Variants in AHRR observed in about 807,000 individuals in gnomAD.
AHRR encodes ahR repressor.
Under a neutral mutation model 44.0 loss-of-function variants are expected in AHRR, and 28 were observed. The observed-to-expected ratio is 0.64, with a 90% CI of 0.47 to 0.87. AHRR has a LOEUF of 0.87. Among genes scored for constraint, AHRR ranks in the 40% least tolerant of loss-of-function variants. The pLI is 0.00. For missense variants in AHRR, 990 were observed against 953.9 expected, an observed-to-expected ratio of 1.04 and a Z score of -0.50; for synonymous variants, 434 against 407.0, an observed-to-expected ratio of 1.07 and a Z score of -0.80.
intron 2 of AHRR, among the ~76,000 whole-genome samples, chr5:346,012 T>C (rs552618716): frequency 1.5e-3 from 235 of 152,194 alleles, no homozygotes; most frequent in Non-Finnish European, 3.0e-3. Flanking sequence ...GTAGGCTCAG[T>C]GCCCAGGCTG....
chr5:359,517 G>A (rs1316181854), intron 3 of AHRR, among the ~76,000 whole-genome samples: 1 of 152,212 alleles, frequency 6.6e-6, no homozygotes, highest in Non-Finnish European at 1.5e-5. Context: ...AGAGAAGTGT[G>A]GAGTAGATTA....
Position 325,201 on chromosome 5 carries a change from C to T in AHRR, c.-11+3382C>T, listed in dbSNP as rs537637752. On this transcript the variant is annotated intron_variant, in intron 1 of 10. Coordinates refer to ENST00000684583, the MANE Select transcript of AHRR (RefSeq NM_001377236.1). Reference sequence around the variant, plus strand: ...CCCAGCTGTCCCACCACCCCCCGACCCGCTCTTGCCCTGTGGCTCTGCACT... The same window carrying T: ...CCCAGCTGTCCCACCACCCCCCGACTCGCTCTTGCCCTGTGGCTCTGCACT... 3.3e-5 allele frequency among the ~76,000 whole-genome samples: 5 copies of T among 152,360 alleles called. No individual in the cohort carries two copies. The East Asian group carries it at 9.6e-4, about 29-fold the overall frequency.
chr5:366,329 C>T (rs1743360306), intron 3 of AHRR, among the ~76,000 whole-genome samples: 1 of 152,060 alleles, frequency 6.6e-6, no homozygotes, highest in African/African-American at 2.4e-5. Context: ...GAAGGGGCTC[C>T]CGCTGGCCAA....
At chr5:360,699 C>T (rs1158326274) in intron 3 of AHRR, among the ~76,000 whole-genome samples, 4 of 152,054 alleles carry the variant, frequency 2.6e-5, no homozygotes, top group Admixed American at 6.6e-5. Context: ...CCGTGGAACG[C>T]GAGGAAAGTG....
At chr5:396,572 C>T (rs1394572538) in intron 4 of AHRR, among the ~76,000 whole-genome samples, 1 of 152,212 alleles carries the variant, frequency 6.6e-6, no homozygotes, top group Non-Finnish European at 1.5e-5. Context: ...TTCGGCCTTT[C>T]TGCTAAGAGA....
chr5:346,070 G>T (rs547094986), intron 2 of AHRR, among the ~76,000 whole-genome samples: 1 of 152,280 alleles, frequency 6.6e-6, no homozygotes, highest in East Asian at 1.9e-4. Flanking sequence ...CCTGGGGCCA[G>T]GCACACAGCC....
Position 427,955 on chromosome 5 carries a change from C to T in AHRR, c.857C>T (p.Ala286Val), listed in dbSNP as rs201183475. 176 of 1,614,032 alleles carry T rather than the reference C, an allele frequency of 1.1e-4. No individual in the cohort carries two copies. In the African/African-American group the frequency reaches 1.7e-3, roughly 16 times the overall value. ...PSAAEMKMRS[A>V]LLRAKPRADT... ...GCAGCGGAGATGAAAATGAGGAGCG[C>T]GCTCCTGAGGGCAAAACCCAGAGCA... Residue 286 changes from alanine (A) to valine (V), a missense_variant, in exon 8 of 11, where the codon GCG (alanine) becomes GTG (valine). Transcript: ENST00000684583.
chr5:421,739 T>A (rs1185025255), intron 5 of AHRR, among the ~76,000 whole-genome samples: 1 of 152,134 alleles, frequency 6.6e-6, no homozygotes, highest in Admixed American at 6.5e-5. Context: ...GAGGGCCACC[T>A]CCTCCTTCTG....
At chr5:346,521 A>G (rs3734145) in intron 2 of AHRR, among the ~76,000 whole-genome samples, 105,277 of 152,126 alleles carry the variant, frequency 0.69, 36,941 homozygotes, top group Non-Finnish European at 0.73. Flanking sequence ...TCCTTATTTA[A>G]TGTGACAAAT....
At chr5:322,681 C>T (rs1560873773) in intron 1 of AHRR, 1 of 152,260 alleles carries the variant, frequency 6.6e-6, no homozygotes, top group African/African-American at 2.4e-5. Context: ...CTCATCCAGC[C>T]TCTCAGAGCA....
chr5:377,171 T>C (rs1210633916), intron 4 of AHRR, among the ~76,000 whole-genome samples: 1 of 152,074 alleles, frequency 6.6e-6, no homozygotes, highest in African/African-American at 2.4e-5. Context: ...GGAAGCTCTG[T>C]GGTGAGGGGG....
intron 7 of AHRR, among the ~76,000 whole-genome samples, chr5:426,641 GGATA>G (rs1320635642): frequency 2.7e-4 from 41 of 149,558 alleles, no homozygotes; most frequent in Non-Finnish European, 4.0e-4. Flanking sequence ...ATGGATGGAT[GGATA>G]GATAGAAAGA....
intron 2 of AHRR, among the ~76,000 whole-genome samples, chr5:348,600 C>T (rs1252935584): frequency 1.2e-4 from 19 of 152,278 alleles, no homozygotes; most frequent in African/African-American, 3.9e-4. Flanking sequence ...GCATTTTGTG[C>T]AAATGGAATC....
intron 7 of AHRR, 123 bp downstream of exon 7, chr5:424,100 CGGGGGCCGG>C (rs1736267035): frequency 1.5e-6 from 2 of 1,307,912 alleles, no homozygotes; most frequent in Non-Finnish European, 2.0e-6. Flanking sequence ...GGTGGAGGGA[CGGGGGCCGG>C]TGCTGAGCTC....
chr5:422,917 G>A (rs562340732), intron 6 of AHRR, 59 bp downstream of exon 6: 5 of 1,534,836 alleles, frequency 3.3e-6, no homozygotes, highest in African/African-American at 1.4e-5. Context: ...ATAACACATC[G>A]CTGCCTCTGG....
intron 2 of AHRR, among the ~76,000 whole-genome samples, chr5:348,705 A>C (rs969865013): frequency 6.6e-6 from 1 of 152,192 alleles, no homozygotes; most frequent in Non-Finnish European, 1.5e-5. Flanking sequence ...TTGCTGCGAA[A>C]TGTTCTGTTG....
At chr5:368,289 A>G (rs569943735) in intron 3 of AHRR, among the ~76,000 whole-genome samples, 38 of 152,248 alleles carry the variant, frequency 2.5e-4, no homozygotes, top group South Asian at 2.5e-3. Context: ...CGCGCACTGT[A>G]TCCTGCCTGA....
intron 1 of AHRR, among the ~76,000 whole-genome samples, chr5:324,503 G>C (rs965080018): frequency 1.3e-5 from 2 of 151,188 alleles, no homozygotes; most frequent in Non-Finnish European, 2.9e-5. Context: ...ACCTGAAACT[G>C]GGCCAGGTGT....
chr5:380,266 A>G (rs922811304), intron 4 of AHRR, among the ~76,000 whole-genome samples: 12 of 152,220 alleles, frequency 7.9e-5, no homozygotes, highest in African/African-American at 2.9e-4. Context: ...AAATAATGTG[A>G]ATCTTTCAAT....
Sources: gnomAD v4.1 joint callset for allele counts (sites outside exome capture counted in the v4.1 genomes callset) on GRCh38, gnomAD v4.1.1 for gene constraint, MANE v1.5 for transcripts, NCBI Gene and HGNC (gene_info 2026-07-23, HGNC 2026-07-21) for gene names.